NEXMIF: variants seen among roughly 807,000 people sequenced by gnomAD.
NEXMIF encodes XLMR protein related to neurite extension.
In NEXMIF, 8 loss-of-function variants were observed where a neutral mutation model predicts 62.1. That is an observed-to-expected ratio of 0.13 (90% CI 0.08 to 0.23). The LOEUF is 0.23. NEXMIF is among the 10% of genes least tolerant of loss of function. The pLI, the probability that NEXMIF is intolerant of heterozygous loss-of-function variation, is 1.00. For missense variants in NEXMIF, 976 were observed against 1,113.3 expected (o/e 0.88, Z 1.75); for synonymous variants, 404 against 416.6 (o/e 0.97, Z 0.37).
chrX:74,748,855 G>A (rs1270299381), intron 1 of NEXMIF, among the ~76,000 whole-genome samples: 1 of 111,390 alleles, frequency 9.0e-6, no homozygotes, highest in Admixed American at 9.6e-5. Context: ...TTCCCAACTG[G>A]TGAAAAAAAT....
At chrX:74,819,049 T>C (rs2080385710) in intron 1 of NEXMIF, among the ~76,000 whole-genome samples, 1 of 111,866 alleles carries the variant, frequency 8.9e-6, no homozygotes, top group Non-Finnish European at 1.9e-5. Context: ...AACCATCTGA[T>C]CTTTGACAAA....
At chrX:74,795,767 T>C (rs2080304437) in intron 1 of NEXMIF, among the ~76,000 whole-genome samples, 1 of 111,324 alleles carries the variant, frequency 9.0e-6, no homozygotes, top group Admixed American at 9.7e-5. Flanking sequence ...GTATTACAAA[T>C]GTGTGACATA....
At chrX:74,871,827 G>C (rs2080602344) in intron 1 of NEXMIF, among the ~76,000 whole-genome samples, 1 of 111,226 alleles carries the variant, frequency 9.0e-6, no homozygotes, top group Non-Finnish European at 1.9e-5. Flanking sequence ...AGGGTGCACT[G>C]GTTTCATATT....
intron 1 of NEXMIF, among the ~76,000 whole-genome samples, chrX:74,818,385 T>C (rs1287642285): frequency 1.8e-5 from 2 of 111,748 alleles, no homozygotes; most frequent in Non-Finnish European, 3.8e-5. Flanking sequence ...GGACTCCCTA[T>C]TCAAAAAATG....
intron 1 of NEXMIF, among the ~76,000 whole-genome samples, chrX:74,899,544 T>C (rs762356882): frequency 9.7e-4 from 109 of 112,143 alleles, no homozygotes; most frequent in African/African-American, 3.5e-3. Flanking sequence ...GATCTGTACA[T>C]GGAAAACTAT....
intron 1 of NEXMIF, among the ~76,000 whole-genome samples, chrX:74,809,398 G>A (rs986862467): frequency 6.8e-4 from 76 of 112,131 alleles, no homozygotes; most frequent in African/African-American, 2.4e-3. Context: ...AATCTGTCAA[G>A]CATGGAGCCT....
intron 1 of NEXMIF, among the ~76,000 whole-genome samples, chrX:74,809,785 C>G (rs1057422855): frequency 2.6e-4 from 29 of 111,764 alleles, no homozygotes; most frequent in African/African-American, 9.1e-4. Context: ...GGTTTCAACA[C>G]AGTCCAGTAT....
rs187689842 is a variant in NEXMIF, at chrX:74,885,961, T to C, written c.-48+38922A>G. 1.6e-4 allele frequency among the ~76,000 whole-genome samples: 18 copies of C among 111,991 alleles called. No homozygotes were observed. The Admixed American group carries it at 1.6e-3, about 10-fold the overall frequency. ...AAAGCTTACCCACCATGATCAAGTG[T>C]GCTTCATCCCTGGGATGCAAGGCTG... On this transcript the variant is annotated intron_variant, in intron 1 of 3. Coordinates refer to ENST00000055682, the MANE Select transcript of NEXMIF (RefSeq NM_001008537.3).
At chrX:74,857,314 C>A (rs935685832) in intron 1 of NEXMIF, among the ~76,000 whole-genome samples, 1 of 112,314 alleles carries the variant, frequency 8.9e-6, no homozygotes, top group Non-Finnish European at 1.9e-5. Flanking sequence ...TGCATCTTGG[C>A]TCCCTGCTCA....
intron 1 of NEXMIF, among the ~76,000 whole-genome samples, chrX:74,812,227 A>G (rs1230543816): frequency 2.7e-5 from 3 of 112,301 alleles, no homozygotes; most frequent in Non-Finnish European, 5.6e-5. Context: ...ATCACTAGCA[A>G]TAACTCATTT....
chrX:74,890,811 G>C (rs967107384), intron 1 of NEXMIF, among the ~76,000 whole-genome samples: 1 of 111,141 alleles, frequency 9.0e-6, no homozygotes, highest in Non-Finnish European at 1.9e-5. Context: ...TTGAAACTTT[G>C]ACCCTGCTCA....
intron 1 of NEXMIF, among the ~76,000 whole-genome samples, chrX:74,857,066 A>G (rs1238501022): frequency 8.9e-6 from 1 of 112,155 alleles, no homozygotes; most frequent in Non-Finnish European, 1.9e-5. Flanking sequence ...CTGGGCTCTA[A>G]GTAAATTTGA....
intron 1 of NEXMIF, among the ~76,000 whole-genome samples, chrX:74,899,335 G>A (rs1029776406): frequency 7.2e-5 from 8 of 110,840 alleles, no homozygotes; most frequent in African/African-American, 2.3e-4. Flanking sequence ...CCTAAAGATC[G>A]TCCCCCAAAA....
chrX:74,796,228 TA>T (rs2080309676), intron 1 of NEXMIF, among the ~76,000 whole-genome samples: 2 of 60,153 alleles, frequency 3.3e-5, no homozygotes, highest in East Asian at 7.9e-4. Context: ...TATACATATA[TA>T]ATATATATAT....
intron 1 of NEXMIF, among the ~76,000 whole-genome samples, chrX:74,900,804 T>A (rs2153983): frequency 1.1e-4 from 12 of 111,849 alleles, no homozygotes; most frequent in Non-Finnish European, 2.1e-4. Context: ...ATATGCACAA[T>A]AGAATATTAT....
chrX:74,868,726 A>G (rs958036343), intron 1 of NEXMIF, among the ~76,000 whole-genome samples: 2 of 110,712 alleles, frequency 1.8e-5, no homozygotes, highest in Admixed American at 1.9e-4. Flanking sequence ...ACCAGGGCAC[A>G]TGTTTACCTA....
At chrX:74,757,297 ATTCTT>A in intron 1 of NEXMIF, among the ~76,000 whole-genome samples, 1 of 112,056 alleles carries the variant, frequency 8.9e-6, no homozygotes, top group Non-Finnish European at 1.9e-5. Context: ...CAGCACTGTT[ATTCTT>A]GTTTCCTAAC....
intron 1 of NEXMIF, among the ~76,000 whole-genome samples, chrX:74,924,213 G>A (rs918080801): frequency 4.5e-5 from 5 of 111,771 alleles, no homozygotes; most frequent in East Asian, 5.7e-4. Context: ...TGTGCTGCGG[G>A]GCGCGGCAGA....
intron 1 of NEXMIF, among the ~76,000 whole-genome samples, chrX:74,872,747 T>C (rs924162380): frequency 9.1e-5 from 10 of 109,692 alleles, no homozygotes; most frequent in Admixed American, 2.0e-4. Context: ...ATGTGGTTAT[T>C]ACCCACTGCA....
Sources: gnomAD v4.1 joint callset for allele counts (sites outside exome capture counted in the v4.1 genomes callset) on GRCh38, gnomAD v4.1.1 for gene constraint, MANE v1.5 for transcripts, NCBI Gene and HGNC (gene_info 2026-07-23, HGNC 2026-07-21) for gene names.